The following OOSP3 variants were observed in gnomAD, a reference collection of about 807,000 sequenced individuals.
The protein encoded by OOSP3 is oocyte-secreted protein 3.
chr11:59,885,868 TA>T (rs1283326818), intron 2 of OOSP3, among the ~76,000 whole-genome samples: 1 of 152,004 alleles, frequency 6.6e-6, no homozygotes. Context: ...TTTCTTTTTT[TA>T]AAAAATATTT....
At chr11:59,885,353 G>T (rs192218144) in intron 2 of OOSP3, among the ~76,000 whole-genome samples, 8 of 152,188 alleles carry the variant, frequency 5.3e-5, no homozygotes, top group Non-Finnish European at 1.2e-4. Flanking sequence ...TTTAAGTTCA[G>T]TGGTACATGT....
chr11:59,880,558 C>A (rs1411009019), intron 2 of OOSP3, 119 bp downstream of exon 2: 1 of 395,908 alleles, frequency 2.5e-6, no homozygotes, highest in Non-Finnish European at 4.4e-6. Flanking sequence ...TAATTTGGTA[C>A]TTTCAGGATA....
chr11:59,895,512 G>C, exon 4 of OOSP3: 2 of 398,158 alleles, frequency 5.0e-6, no homozygotes, highest in Non-Finnish European at 8.9e-6. Flanking sequence ...CTCATCTTTG[G>C]ATACCACTTC....
At chr11:59,882,564 TA>T (rs1304899570) in intron 2 of OOSP3, among the ~76,000 whole-genome samples, 2 of 152,176 alleles carry the variant, frequency 1.3e-5, no homozygotes, top group Non-Finnish European at 2.9e-5. Flanking sequence ...ATTTTCCATT[TA>T]AAGGGCAGGA....
intron 2 of OOSP3, among the ~76,000 whole-genome samples, chr11:59,891,838 A>G (rs1853315341): frequency 6.6e-6 from 1 of 152,162 alleles, no homozygotes; most frequent in African/African-American, 2.4e-5. Flanking sequence ...GAGCCACAGT[A>G]ATTGTGGTGG....
chr11:59,882,941 T>C (rs1165163688), intron 2 of OOSP3, among the ~76,000 whole-genome samples: 4 of 152,198 alleles, frequency 2.6e-5, no homozygotes, highest in African/African-American at 4.8e-5. Flanking sequence ...ATCTATATCA[T>C]AGCATGTCTC....
intron 2 of OOSP3, among the ~76,000 whole-genome samples, chr11:59,888,614 T>G (rs935219247): frequency 6.6e-6 from 1 of 152,366 alleles, no homozygotes; most frequent in African/African-American, 2.4e-5. Context: ...GATTTGCATA[T>G]GTTGAACCAG....
exon 5 of OOSP3, chr11:59,896,354 AT>A: frequency 2.5e-6 from 1 of 392,726 alleles, no homozygotes; most frequent in Non-Finnish European, 4.5e-6. Context: ...AGTGCTTCAT[AT>A]GTTTTTAAAA....
Position 59,892,475 on chromosome 11 carries a change from C to T in OOSP3, c.253-1604C>T, listed in dbSNP as rs190398797. Among the ~76,000 whole-genome samples, 14 of 152,170 alleles carry T rather than the reference C, an allele frequency of 9.2e-5. No homozygotes were observed. In the East Asian group the frequency reaches 2.5e-3, roughly 27 times the overall value. ...AGCTGTTTCTACTTGGCCATCTAGG[C>T]GTCTCCTCTGCTCCACTTCTATTTG... On this transcript the variant is annotated intron_variant, in intron 2 of 4. Coordinates refer to ENST00000646438, the Ensembl canonical transcript of OOSP3.
chr11:59,893,910 T>C (rs1853333888), intron 2 of OOSP3, among the ~76,000 whole-genome samples, 169 bp from the exon 3 acceptor site: 1 of 152,208 alleles, frequency 6.6e-6, no homozygotes, highest in South Asian at 2.1e-4. Flanking sequence ...TGGATGGTGT[T>C]TTTTTAAAAT....
intron 3 of OOSP3, among the ~76,000 whole-genome samples, chr11:59,894,840 C>T (rs1402286656): frequency 4.6e-5 from 7 of 152,208 alleles, no homozygotes; most frequent in South Asian, 4.1e-4. Flanking sequence ...ACTGCCACCC[C>T]GCAGATCAGG....
chr11:59,886,791 CTT>C (rs562190268), intron 2 of OOSP3, among the ~76,000 whole-genome samples: 4,714 of 139,218 alleles, frequency 0.034, 218 homozygotes, highest in African/African-American at 0.11. Flanking sequence ...CATTTGCCCA[CTT>C]TTTTTTTTTT....
chr11:59,879,938 A>T (rs1853185113), intron 1 of OOSP3, among the ~76,000 whole-genome samples: 1 of 152,218 alleles, frequency 6.6e-6, no homozygotes, highest in Non-Finnish European at 1.5e-5. Flanking sequence ...CCAGCACACC[A>T]GCTTGAGGCT....
intron 2 of OOSP3, among the ~76,000 whole-genome samples, chr11:59,884,130 A>T (rs1853227329): frequency 1.3e-5 from 2 of 152,218 alleles, no homozygotes; most frequent in South Asian, 4.1e-4. Context: ...CAGCAATTTA[A>T]TTCCTGGTTA....
exon 5 of OOSP3, chr11:59,896,367 G>T (rs900484673): frequency 1.0e-5 from 4 of 390,716 alleles, no homozygotes; most frequent in Non-Finnish European, 1.8e-5. Context: ...TTTTTAAAAA[G>T]TGCTCCTTTT....
intron 2 of OOSP3, among the ~76,000 whole-genome samples, chr11:59,881,644 G>A (rs747491265): frequency 1.2e-4 from 19 of 152,140 alleles, no homozygotes; most frequent in Non-Finnish European, 2.4e-4. Flanking sequence ...TTGGGAGGCC[G>A]AGGCAGGCAG....
At chr11:59,886,347 A>G (rs966825572) in intron 2 of OOSP3, among the ~76,000 whole-genome samples, 3 of 152,232 alleles carry the variant, frequency 2.0e-5, no homozygotes, top group Non-Finnish European at 4.4e-5. Flanking sequence ...TAGTGCTGCA[A>G]TGAACATACA....
chr11:59,896,193 G>A, exon 5 of OOSP3: 1 of 398,408 alleles, frequency 2.5e-6, no homozygotes, highest in Non-Finnish European at 4.4e-6. Flanking sequence ...CCATGAGAGT[G>A]CAAATGTAGC....
exon 4 of OOSP3, chr11:59,895,568 C>T (rs577458014): frequency 2.0e-4 from 81 of 398,466 alleles, no homozygotes; most frequent in Admixed American, 4.0e-4. Flanking sequence ...ATGACCCTCC[C>T]GCTACCAATT....
Sources: gnomAD v4.1 joint callset for allele counts (sites outside exome capture counted in the v4.1 genomes callset) on GRCh38, gnomAD v4.1.1 for gene constraint, MANE v1.5 for transcripts, NCBI Gene and HGNC (gene_info 2026-07-23, HGNC 2026-07-21) for gene names.